The following TGS1 variants were observed in gnomAD, a reference collection of about 807,000 sequenced individuals.
TGS1 encodes the protein trimethylguanosine synthase 1.
In TGS1, 69 loss-of-function variants were observed where a neutral mutation model predicts 92.2. That is an observed-to-expected ratio of 0.75 (90% CI 0.62 to 0.91). TGS1 has a LOEUF of 0.91. Ranked by LOEUF, TGS1 falls within the 40% of genes least tolerant of loss-of-function variation. The pLI, the probability that TGS1 is intolerant of heterozygous loss-of-function variation, is 0.00. For synonymous variants in TGS1, 345 were observed against 338.1 expected (o/e 1.02, Z -0.22); for missense variants, 1,062 against 1,001.2 (o/e 1.06, Z -0.82).
At chr8:55,802,396 C>A in intron 8 of TGS1, 61 bp from the exon 9 acceptor site, 1 of 1,393,004 alleles carries the variant, frequency 7.2e-7, no homozygotes, top group Non-Finnish European at 1.0e-6. Flanking sequence ...TTTAGATAAA[C>A]TCACCTGTGA....
intron 8 of TGS1, among the ~76,000 whole-genome samples, chr8:55,801,640 G>C (rs1201702428): frequency 8.6e-5 from 12 of 140,032 alleles, no homozygotes; most frequent in Non-Finnish European, 1.7e-4. Context: ...CCAGGCTGGA[G>C]TGCAGTGGTG....
At chr8:55,774,214 A>C (rs1426250578) in intron 1 of TGS1, among the ~76,000 whole-genome samples, 1 of 152,210 alleles carries the variant, frequency 6.6e-6, no homozygotes, top group African/African-American at 2.4e-5. Flanking sequence ...TTTTGGGGAA[A>C]TCTTTGAATC....
chr8:55,798,744 A>T (rs764625505), intron 7 of TGS1, among the ~76,000 whole-genome samples, 170 bp from the exon 8 acceptor site: 4 of 152,186 alleles, frequency 2.6e-5, no homozygotes, highest in Non-Finnish European at 5.9e-5. Flanking sequence ...CCCAGATAGC[A>T]TTCTGATTAG....
rs1300594311 is a variant in TGS1, at chr8:55,824,651, C to A, written c.2510C>A (p.Thr837Lys). ...EQNFLNNKLK[T>K]ITAYFGDLIR... The stretch of plus-strand genomic sequence containing the variant: ...AACTTCCTTAACAACAAATTGAAGA[C>A]AATCACTGCATATTTTGGTGACCTA... Residue 837 changes from threonine (T) to lysine (K), a missense_variant, in exon 13 of 13, where the codon ACA (threonine) becomes AAA (lysine). By Grantham distance (78) the Thr-to-Lys change is moderately conservative. Transcript: ENST00000260129. The A allele has an allele frequency of 1.9e-6, 3 of 1,614,054 alleles. No individual in the cohort carries two copies. Among genetic ancestry groups the A allele is most frequent in the Non-Finnish European group, 2.5e-6 (3 of 1,180,022 alleles).
chr8:55,802,013 T>A (rs1247453603), intron 8 of TGS1, among the ~76,000 whole-genome samples: 1 of 152,052 alleles, frequency 6.6e-6, no homozygotes, highest in Non-Finnish European at 1.5e-5. Context: ...ACTAACACGG[T>A]GAAACCCCGT....
chr8:55,776,765 A>G (rs1329868743), intron 1 of TGS1, among the ~76,000 whole-genome samples: 2 of 152,156 alleles, frequency 1.3e-5, no homozygotes, highest in Non-Finnish European at 1.5e-5. Flanking sequence ...TAGATGACTT[A>G]TTAAGTGCCA....
At chr8:55,819,288 ATTTTTTTTTTTTTTT>A (rs201975270) in intron 12 of TGS1, among the ~76,000 whole-genome samples, 1 of 74,974 alleles carries the variant, frequency 1.3e-5, no homozygotes, top group Non-Finnish European at 2.4e-5. Flanking sequence ...TGCCTGGGAG[ATTTTTTTTTTTTTTT>A]TTTTTTTTTT....
intron 8 of TGS1, among the ~76,000 whole-genome samples, chr8:55,802,054 C>A (rs1287379660): frequency 6.6e-6 from 1 of 152,010 alleles, no homozygotes; most frequent in Non-Finnish European, 1.5e-5. Context: ...ATTAGCCGGG[C>A]GTGGTGACGG....
At chr8:55,820,711 T>G (rs1298992537) in intron 12 of TGS1, among the ~76,000 whole-genome samples, 5 of 152,216 alleles carry the variant, frequency 3.3e-5, no homozygotes, top group South Asian at 2.1e-4. Context: ...GTTCAGTCCT[T>G]AATTCTAGTT....
At chr8:55,775,837 AC>A (rs1344647157) in intron 1 of TGS1, among the ~76,000 whole-genome samples, 1 of 152,154 alleles carries the variant, frequency 6.6e-6, no homozygotes, top group African/African-American at 2.4e-5. Context: ...GAATTCCAGC[AC>A]TTTTTAAAGA....
chr8:55,797,383 GGGATTA>G (rs1268190934), intron 7 of TGS1, among the ~76,000 whole-genome samples: 1 of 152,126 alleles, frequency 6.6e-6, no homozygotes. Context: ...ACAACACGTG[GGGATTA>G]TGGGAACTAT....
At chr8:55,809,807 G>A (rs570431487) in intron 10 of TGS1, among the ~76,000 whole-genome samples, 2 of 152,292 alleles carry the variant, frequency 1.3e-5, no homozygotes, top group Admixed American at 1.3e-4. Flanking sequence ...GCCTCCAAAA[G>A]AAATACAGAT....
At chr8:55,779,804 A>G (rs998619823) in intron 1 of TGS1, among the ~76,000 whole-genome samples, 15 of 152,182 alleles carry the variant, frequency 9.9e-5, no homozygotes, top group African/African-American at 3.6e-4. Context: ...AATTCCATTG[A>G]ATTTCATCTT....
Position 55,824,690 on chromosome 8 carries a change from C to T in TGS1, c.2549C>T (p.Ala850Val). The part of the protein sequence containing the change: ...AYFGDLIRRP[A>V]SET ...TTTGGTGACCTAATTCGAAGACCAGCCTCTGAAACCTAACTATGCAGCAGT... is the reference window on the plus strand; with the variant it reads ...TTTGGTGACCTAATTCGAAGACCAGTCTCTGAAACCTAACTATGCAGCAGT... The change falls in exon 13 of 13, where the codon GCC becomes GTC. Residue 850 changes from alanine to valine, a missense_variant. Transcript: ENST00000260129. The T allele has an allele frequency of 6.2e-7, 1 of 1,614,124 alleles. No homozygotes were observed. Among genetic ancestry groups the T allele is most frequent in the Non-Finnish European group, 8.5e-7 (1 of 1,179,994 alleles).
chr8:55,788,876 G>A (rs1811796098), intron 4 of TGS1, among the ~76,000 whole-genome samples: 1 of 151,890 alleles, frequency 6.6e-6, no homozygotes, highest in Admixed American at 6.6e-5. Context: ...CATTGTTTTG[G>A]CCTCTGACTT....
At chr8:55,775,835 G>A (rs1811380226) in intron 1 of TGS1, among the ~76,000 whole-genome samples, 1 of 152,106 alleles carries the variant, frequency 6.6e-6, no homozygotes, top group African/African-American at 2.4e-5. Context: ...AGGAATTCCA[G>A]CACTTTTTAA....
intron 12 of TGS1, among the ~76,000 whole-genome samples, chr8:55,814,674 A>AAAAAAATATATATAT (rs1254531524): frequency 2.8e-4 from 35 of 123,316 alleles, no homozygotes; most frequent in African/African-American, 1.0e-3. Context: ...AAAAAAAAAA[A>AAAAAAATATATATAT]ATATATATAT....
chr8:55,777,258 C>T (rs1305764426), intron 1 of TGS1, among the ~76,000 whole-genome samples: 1 of 150,732 alleles, frequency 6.6e-6, no homozygotes, highest in Non-Finnish European at 1.5e-5. Context: ...GTTTTCCCAC[C>T]TCAGCCTCCC....
intron 2 of TGS1, among the ~76,000 whole-genome samples, chr8:55,785,217 A>G (rs758934728): frequency 2.6e-5 from 4 of 151,280 alleles, no homozygotes; most frequent in Non-Finnish European, 5.9e-5. Context: ...GCCTGGGCCC[A>G]GCTAATTTTT....
Sources: allele counts gnomAD v4.1 joint callset (sites outside exome capture counted in the v4.1 genomes callset), GRCh38; gene constraint gnomAD v4.1.1; transcripts MANE v1.5; gene names NCBI Gene and HGNC (gene_info 2026-07-23, HGNC 2026-07-21).